Variants in IWS1 observed in about 807,000 individuals in gnomAD.
IWS1 encodes interacts with SUPT6H, CTD assembly factor 1.
In IWS1, 27 loss-of-function variants were observed where a neutral mutation model predicts 86.7. That is an observed-to-expected ratio of 0.31 (90% CI 0.23 to 0.43). The LOEUF (loss-of-function observed/expected upper bound fraction) is 0.43, where lower values mean the gene tolerates loss of function less well. IWS1 is among the 20% of genes least tolerant of loss of function. The pLI, the probability that IWS1 is intolerant of heterozygous loss-of-function variation, is 1.00. For synonymous variants in IWS1, 313 were observed against 335.1 expected (o/e 0.93, Z 0.72); for missense variants, 827 against 1,000.8 (o/e 0.83, Z 2.34).
chr2:127,485,183 A>G (rs528389215), intron 13 of IWS1, among the ~76,000 whole-genome samples: 1 of 152,252 alleles, frequency 6.6e-6, no homozygotes, highest in East Asian at 1.9e-4. Context: ...GAAATAAGAA[A>G]GTACGTTTTG....
At chr2:127,492,155 T>C (rs1231942206) in intron 9 of IWS1, 67 bp from the exon 10 acceptor site, 3 of 959,816 alleles carry the variant, frequency 3.1e-6, no homozygotes, top group East Asian at 4.9e-5. Context: ...TAGTCTATTC[T>C]AGAGACCTGG....
chr2:127,523,314 T>C (rs1040851569), intron 2 of IWS1, among the ~76,000 whole-genome samples: 1 of 152,196 alleles, frequency 6.6e-6, no homozygotes, highest in Non-Finnish European at 1.5e-5. Context: ...CCCCCATAAC[T>C]TTCTATTTCA....
intron 1 of IWS1, among the ~76,000 whole-genome samples, chr2:127,525,431 G>A (rs553888593): frequency 1.3e-5 from 2 of 152,322 alleles, no homozygotes; most frequent in South Asian, 2.1e-4. Flanking sequence ...TGGGTACATA[G>A]AGGGTGTATT....
At chr2:127,511,109 T>C (rs1691427041) in intron 2 of IWS1, 1 of 152,234 alleles carries the variant, frequency 6.6e-6, no homozygotes, top group African/African-American at 2.4e-5. Flanking sequence ...CTTGTCTTTT[T>C]CGTGCCTAAA....
intron 2 of IWS1, among the ~76,000 whole-genome samples, chr2:127,507,763 T>C (rs1558760684): frequency 6.6e-6 from 1 of 152,194 alleles, no homozygotes; most frequent in South Asian, 2.1e-4. Context: ...ACACACTAGG[T>C]AGAGTTCGAG....
At chr2:127,495,691 T>C (rs1690477069) in intron 7 of IWS1, among the ~76,000 whole-genome samples, 1 of 152,194 alleles carries the variant, frequency 6.6e-6, no homozygotes, top group Admixed American at 6.5e-5. Context: ...GTAACACCTT[T>C]TATATATGAA....
At chr2:127,495,902 T>A (rs1426959556) in intron 7 of IWS1, 96 bp downstream of exon 7, 3 of 1,076,626 alleles carry the variant, frequency 2.8e-6, no homozygotes, top group South Asian at 2.1e-5. Flanking sequence ...AAGCAAAGCA[T>A]CTTAATTGTA....
intron 8 of IWS1, 110 bp from the exon 9 acceptor site, chr2:127,493,520 TCA>T: frequency 1.0e-6 from 1 of 968,472 alleles, no homozygotes; most frequent in Non-Finnish European, 1.4e-6. Flanking sequence ...AAAGCGTTAC[TCA>T]TATAAATTTG....
chr2:127,510,204 T>C (rs1444656753), intron 2 of IWS1, among the ~76,000 whole-genome samples: 2 of 152,190 alleles, frequency 1.3e-5, no homozygotes. Context: ...GCTGAAACTA[T>C]CATACTGGAC....
At position 127,498,235 on chromosome 2, in the gene IWS1, AC is replaced by A; in HGVS notation, c.1469del (p.Gly490ValfsTer16). 6.2e-7 allele frequency: 1 copy of A among 1,601,512 alleles called. No individual in the cohort carries two copies. The highest frequency in any genetic ancestry group is 8.5e-7 in the Non-Finnish European group (1 of 1,169,758). ...CTTCTTCCAGATCTTCTTGGTTAAAACCCTAAATGCAAAATTATCACAACCT... is the reference window on the plus strand; with the variant it reads ...CTTCTTCCAGATCTTCTTGGTTAAAACCTAAATGCAAAATTATCACAACCT... Reference protein sequence around the residue: ...SGDEEEEEFTGFNQEDLEEEK... With the variant: ...SGDEEEEEFTXFNQEDLEEEK... On this transcript the variant is annotated frameshift_variant and splice_region_variant, in exon 6 of 14. Transcript: ENST00000295321. LOFTEE classifies it high-confidence loss of function.
At chr2:127,491,842 C>T in intron 10 of IWS1, 129 bp downstream of exon 10, 1 of 644,866 alleles carries the variant, frequency 1.6e-6, no homozygotes. Context: ...AGAAGTTATT[C>T]AAAAATTTCT....
chr2:127,505,842 A>G lies in IWS1; in HGVS notation c.151-90T>C. ...ATTAAATTTTTTCTGTGATTTTTTTAAAATACAGGATTATGTGCACCTAAA... is the reference window on the plus strand; with the variant it reads ...ATTAAATTTTTTCTGTGATTTTTTTGAAATACAGGATTATGTGCACCTAAA... On this transcript the variant is annotated intron_variant, in intron 2 of 13. Coordinates refer to ENST00000295321, the MANE Select transcript of IWS1 (RefSeq NM_017969.3). The surrounding 1 kb of genome is among the most constrained non-coding windows in gnomAD (Gnocchi z 5.0). 2.3e-6 allele frequency: 2 copies of G among 874,076 alleles called. No individual in the cohort carries two copies. Among genetic ancestry groups the G allele is most frequent in the Non-Finnish European group, 3.4e-6 (2 of 590,680 alleles). The allele number at this position is 874,076 out of a possible 1,614,324, so 54.1% of individuals were successfully genotyped here.
In IWS1 at chr2:127,505,215, G is replaced by T; in HGVS notation, c.688C>A (p.Pro230Thr). The T allele has an allele frequency of 6.2e-7, 1 of 1,613,958 alleles. No individual in the cohort carries two copies. Among genetic ancestry groups the T allele is most frequent in the Non-Finnish European group, 8.5e-7 (1 of 1,179,952 alleles). The change falls in exon 3 of 14, where the codon CCA becomes ACA. Residue 230 changes from proline (P) to threonine (T), a missense_variant. By Grantham distance (38) the Pro-to-Thr change is conservative. Transcript: ENST00000295321. The surrounding 1 kb of genome is among the most constrained non-coding windows in gnomAD (Gnocchi z 5.0). ...TCAGAGTCACTGGCCTGGTGCCTTG[G>T]GGGTTCCTCACTTTCTGAATCACTG... ...QVSDSESEEP[P>T]RHQASDSENE...
chr2:127,516,526 C>T (rs1206465710), intron 2 of IWS1, among the ~76,000 whole-genome samples: 2 of 152,028 alleles, frequency 1.3e-5, no homozygotes. Context: ...TGCTGAGAGG[C>T]CAGGGTGGGA....
Position 127,504,932 on chromosome 2 carries a change from T to C in IWS1, c.971A>G (p.Lys324Arg), listed in dbSNP as rs1279612841. 6.2e-7 allele frequency: 1 copy of C among 1,614,208 alleles called. No homozygotes were observed. Among genetic ancestry groups the C allele is most frequent in the Non-Finnish European group, 8.5e-7 (1 of 1,180,036 alleles). ...DSETEDASRH[K>R]QKPESDDDSD... ...GTCATCATCTGACTCTGGCTTCTGT[T>C]TGTGTCTGGACGCATCCTCAGTTTC... Residue 324 changes from lysine to arginine, a missense_variant, in exon 3 of 14, where the codon AAA becomes AGA. Lys to Arg is a conservative substitution (Grantham distance 26). Around this residue, in one of 2 missense-constraint regions of IWS1, gnomAD observed 548 missense variants for 560.2 expected, o/e 0.98. Transcript: ENST00000295321.
rs1376298200 is a variant in IWS1 at position 127,489,904 on chromosome 2, T to C, written c.2087A>G (p.Tyr696Cys). 1 of 1,611,904 alleles carries C rather than the reference T, an allele frequency of 6.2e-7. No homozygotes were observed. The highest frequency in any genetic ancestry group is 2.2e-5 in the East Asian group (1 of 44,858). The change falls in exon 11 of 14, where the codon TAC becomes TGC. Residue 696 changes from tyrosine (Y) to cysteine (C), a missense_variant. Physicochemically the swap from Tyr to Cys is radical, Grantham distance 194 (BLOSUM62 -2). Transcript: ENST00000295321. The surrounding 1 kb of genome is among the most constrained non-coding windows in gnomAD (Gnocchi z 4.8). ...CCTTTCTTCTCTTGTCATTCCTTTG[T>C]AGTTTGAGGTAAGACCAAATATAGG... ...SRPIFGLTSN[Y>C]KGMTREEREQ...
In IWS1 at chr2:127,526,410, C is replaced by A; in HGVS notation, c.-202G>T. The stretch of plus-strand genomic sequence containing the variant: ...GGAAGCCCCGGCGGAAAAGGCCGTA[C>A]CCGGCAGGCTGGCGGGCGGGCAGGC... On this transcript the variant is annotated 5_prime_UTR_variant, in exon 1 of 14. Transcript: ENST00000295321. The A allele has an allele frequency of 2.0e-6, 3 of 1,536,328 alleles. No homozygotes were observed. The highest frequency in any genetic ancestry group is 2.6e-6 in the Non-Finnish European group (3 of 1,145,540).
intron 2 of IWS1, among the ~76,000 whole-genome samples, chr2:127,523,352 T>A (rs1466673379): frequency 1.3e-5 from 2 of 152,204 alleles, no homozygotes; most frequent in African/African-American, 4.8e-5. Flanking sequence ...TTGCAAATGC[T>A]CAATGCCCCA....
intron 7 of IWS1, 112 bp from the exon 8 acceptor site, chr2:127,495,066 C>A: frequency 1.5e-6 from 1 of 645,890 alleles, no homozygotes; most frequent in Non-Finnish European, 2.6e-6. Context: ...ACAATTTTTC[C>A]TACAAGAAAG....
Sources: allele counts gnomAD v4.1 joint callset (sites outside exome capture counted in the v4.1 genomes callset), GRCh38; gene constraint gnomAD v4.1.1; regional missense constraint gnomAD v4.1.1; non-coding constraint Gnocchi (gnomAD v3.1); transcripts MANE v1.5; gene names NCBI Gene and HGNC (gene_info 2026-07-23, HGNC 2026-07-21).